The following PCDHGB5 variants were observed in gnomAD, a reference collection of about 807,000 sequenced individuals.
The protein encoded by PCDHGB5 is protocadherin gamma-B5.
PCDHGB5 carries 48 observed loss-of-function variants against 62.9 expected under a neutral mutation model. That is an observed-to-expected ratio of 0.76 (90% confidence interval 0.61 to 0.97). The LOEUF (loss-of-function observed/expected upper bound fraction) is 0.97. Ranked by LOEUF, PCDHGB5 falls within the 50% of genes least tolerant of loss-of-function variation. The pLI, the probability that PCDHGB5 is intolerant of heterozygous loss-of-function variation, is 0.00. For synonymous variants in PCDHGB5, 474 were observed against 511.2 expected, an observed-to-expected ratio of 0.93 and a Z score of 0.98; for missense variants, 1,118 against 1,198.6, an observed-to-expected ratio of 0.93 and a Z score of 0.99.
At chr5:141,418,344 T>G (rs746519142) in intron 1 of PCDHGB5, 1 of 1,614,008 alleles carries the variant, frequency 6.2e-7, no homozygotes, top group Non-Finnish European at 8.5e-7. Context: ...GATCCTGATA[T>G]TAGTATGAAT....
chr5:141,431,273 C>T lies in PCDHGB5; in HGVS notation c.2397+30749C>T, dbSNP rs752219345. 54 of 1,614,068 alleles carry T rather than the reference C, an allele frequency of 3.3e-5. No individual in the cohort carries two copies. Among genetic ancestry groups the T allele is most frequent in the Non-Finnish European group, 4.1e-5 (48 of 1,180,052 alleles). On this transcript the variant is annotated intron_variant, in intron 1 of 3. Transcript: ENST00000617380. The surrounding 1 kb of genome is among the most constrained non-coding windows in gnomAD (Gnocchi z 4.8). Reference sequence around the variant, plus strand: ...GAAGAACTCTCTGCAGAGCTACGAGCTCAGCCCGAACACTCACTTCTCCCT... The same window carrying T: ...GAAGAACTCTCTGCAGAGCTACGAGTTCAGCCCGAACACTCACTTCTCCCT...
Position 141,487,341 on chromosome 5 carries a change from TC to T in PCDHGB5, c.2398-7465del, listed in dbSNP as rs778559139. Reference sequence around the variant, plus strand: ...TGTCTTCGTGGGGCAGCCTGTGGAGTCACATGCTTTCCTGCTGGCACCTGTG... The same window carrying T: ...TGTCTTCGTGGGGCAGCCTGTGGAGTACATGCTTTCCTGCTGGCACCTGTG... On this transcript the variant is annotated intron_variant, in intron 1 of 3. Transcript: ENST00000617380. This position sits in a 1 kb window ranked among gnomAD's most constrained non-coding sequence, Gnocchi z 5.0. 1 of 1,614,012 alleles carries T rather than the reference TC, an allele frequency of 6.2e-7. No homozygotes were observed. The highest frequency in any genetic ancestry group is 1.1e-5 in the South Asian group (1 of 91,074).
intron 1 of PCDHGB5, chr5:141,468,354 GA>G (rs910554966): frequency 7.0e-6 from 1 of 143,440 alleles, no homozygotes. Context: ...AAAAAAGAAA[GA>G]AAAAAGAAAT....
chr5:141,410,341 G>A (rs759674499), intron 1 of PCDHGB5: 1 of 1,613,992 alleles, frequency 6.2e-7, no homozygotes, highest in Non-Finnish European at 8.5e-7. Context: ...CCATTGCCTT[G>A]CGCCTGCGAC....
Position 141,477,912 on chromosome 5 carries a change from A to T in PCDHGB5, c.2398-16895A>T. The T allele has an allele frequency of 6.2e-7, 1 of 1,614,166 alleles. No individual in the cohort carries two copies. Among genetic ancestry groups the T allele is most frequent in the Non-Finnish European group, 8.5e-7 (1 of 1,180,022 alleles). ...TCACGGGTGGTAGGCTGGGACGCGGATGCAGGGCACAATGCCTGGCTCTCC... is the reference window on the plus strand; with the variant it reads ...TCACGGGTGGTAGGCTGGGACGCGGTTGCAGGGCACAATGCCTGGCTCTCC... On this transcript the variant is annotated intron_variant, in intron 1 of 3. Coordinates refer to ENST00000617380, the MANE Select transcript of PCDHGB5 (RefSeq NM_018925.3). This position sits in a 1 kb window ranked among gnomAD's most constrained non-coding sequence, Gnocchi z 4.9.
At position 141,489,888 on chromosome 5, in the gene PCDHGB5, T is replaced by TG. The variant is rs759744295; in HGVS notation, c.2398-4913dup. On this transcript the variant is annotated intron_variant, in intron 1 of 3. Coordinates refer to ENST00000617380, the MANE Select transcript of PCDHGB5 (RefSeq NM_018925.3). The surrounding 1 kb of genome is among the most constrained non-coding windows in gnomAD (Gnocchi z 4.5). ...ATCAGCTGGTGCTTACTGCTGTGGATGGGGGGACCCCAGCCCGCTCAGGGA... is the reference window on the plus strand; with the variant it reads ...ATCAGCTGGTGCTTACTGCTGTGGATGGGGGGGACCCCAGCCCGCTCAGGGA... 6.4e-5 allele frequency: 103 copies of TG among 1,614,088 alleles called. No individual in the cohort carries two copies. Among genetic ancestry groups the TG allele is most frequent in the Non-Finnish European group, 8.6e-5 (101 of 1,180,048 alleles).
intron 3 of PCDHGB5, among the ~76,000 whole-genome samples, chr5:141,509,429 T>G (rs2099876771): frequency 6.6e-6 from 1 of 151,964 alleles, no homozygotes; most frequent in Non-Finnish European, 1.5e-5. Context: ...TGAGTCAAAC[T>G]CTTGTTTCCT....
chr5:141,420,330 C>G lies in PCDHGB5; in HGVS notation c.2397+19806C>G, dbSNP rs765696240. 711 of 1,399,258 alleles carry G rather than the reference C, an allele frequency of 5.1e-4. 1 individual carries two copies. The highest frequency in any genetic ancestry group is 6.5e-4 in the Non-Finnish European group (676 of 1,043,138). 86.7% of individuals were successfully genotyped at this position (1,399,258 alleles called of 1,614,324 possible). A position where few individuals can be genotyped will look rare whatever the true frequency, so the allele number is the denominator to read the frequency against. On this transcript the variant is annotated intron_variant, in intron 1 of 3. Coordinates refer to ENST00000617380, the MANE Select transcript of PCDHGB5 (RefSeq NM_018925.3). Reference sequence around the variant, plus strand: ...TTATATTACAATATGCCAATATATTCCAATATAGTGGTATTATTTTAAGAT... The same window carrying G: ...TTATATTACAATATGCCAATATATTGCAATATAGTGGTATTATTTTAAGAT...
intron 1 of PCDHGB5, chr5:141,417,686 G>A (rs1300052006): frequency 8.4e-6 from 9 of 1,068,196 alleles, no homozygotes; most frequent in South Asian, 1.8e-5. Context: ...CAACAGAAAA[G>A]AAAACCAGCT....
chr5:141,421,586 T>A (rs750525078), intron 1 of PCDHGB5: 2 of 1,613,602 alleles, frequency 1.2e-6, no homozygotes, highest in Admixed American at 3.3e-5. Context: ...ATTTACGGAG[T>A]GGAGGTGGAA....
chr5:141,427,819 T>C, intron 1 of PCDHGB5: 1 of 1,531,664 alleles, frequency 6.5e-7, no homozygotes, highest in Non-Finnish European at 8.9e-7. Context: ...AGCGGGGTGG[T>C]GGTCGCGCAG....
intron 1 of PCDHGB5, among the ~76,000 whole-genome samples, chr5:141,474,142 T>G (rs2099344082): frequency 6.6e-6 from 1 of 152,212 alleles, no homozygotes; most frequent in African/African-American, 2.4e-5. Flanking sequence ...ACAGGCCTTA[T>G]TATCAAGAAA....
intron 1 of PCDHGB5, chr5:141,413,476 G>A: frequency 6.2e-7 from 1 of 1,614,122 alleles, no homozygotes; most frequent in Non-Finnish European, 8.5e-7. Context: ...GGAGCTCTGC[G>A]CTCAGAGCGC....
chr5:141,440,997 A>G (rs1191545127), intron 1 of PCDHGB5: 1 of 152,178 alleles, frequency 6.6e-6, no homozygotes, highest in East Asian at 1.9e-4. Context: ...ACCCATATCT[A>G]GTTTGGCCTT....
intron 1 of PCDHGB5, chr5:141,412,854 A>T (rs1356959630): frequency 4.5e-6 from 1 of 223,412 alleles, no homozygotes; most frequent in African/African-American, 2.3e-5. Context: ...GAGAAACCAA[A>T]GAATCTATGT....
intron 1 of PCDHGB5, among the ~76,000 whole-genome samples, chr5:141,483,207 A>C (rs1225621725): frequency 6.6e-6 from 1 of 152,224 alleles, no homozygotes; most frequent in African/African-American, 2.4e-5. Flanking sequence ...TATTCCATAT[A>C]GATGACAGTC....
At chr5:141,481,913 C>CAA (rs34114744) in intron 1 of PCDHGB5, among the ~76,000 whole-genome samples, 26 of 90,736 alleles carry the variant, frequency 2.9e-4, no homozygotes, top group Non-Finnish European at 3.5e-4. Context: ...AACTCCATCT[C>CAA]AAAAAAAAAA....
Position 141,477,689 on chromosome 5 carries a change from C to T in PCDHGB5, c.2398-17118C>T. The T allele has an allele frequency of 6.2e-7, 1 of 1,614,156 alleles. No individual in the cohort carries two copies. The highest frequency in any genetic ancestry group is 8.5e-7 in the Non-Finnish European group (1 of 1,180,024). ...TGGCATAGTGTCATCCTTAGTGCCC[C>T]TAGACTATGAGGATCGGCGGGAATT... On this transcript the variant is annotated intron_variant, in intron 1 of 3. Transcript: ENST00000617380. This position sits in a 1 kb window ranked among gnomAD's most constrained non-coding sequence, Gnocchi z 4.9.
intron 1 of PCDHGB5, among the ~76,000 whole-genome samples, chr5:141,448,838 T>C (rs2098609981): frequency 6.6e-6 from 1 of 151,802 alleles, no homozygotes; most frequent in Non-Finnish European, 1.5e-5. Flanking sequence ...CCAGCTACTC[T>C]GGAGGCTGAG....
Sources: gnomAD v4.1 joint callset for allele counts (sites outside exome capture counted in the v4.1 genomes callset) on GRCh38, gnomAD v4.1.1 for gene constraint, Gnocchi (gnomAD v3.1) non-coding constraint, MANE v1.5 for transcripts, NCBI Gene and HGNC (gene_info 2026-07-23, HGNC 2026-07-21) for gene names.